Variants in ACOT12 observed in about 807,000 individuals in gnomAD.
ACOT12 encodes acyl-CoA thioesterase 12, also known as acetyl-coenzyme A thioesterase.
In ACOT12, 51 loss-of-function variants were observed where a neutral mutation model predicts 67.7. The observed-to-expected ratio is 0.75, with a 90% CI of 0.60 to 0.95. ACOT12 has a LOEUF of 0.95. Among genes scored for constraint, ACOT12 ranks in the 40% least tolerant of loss-of-function variants. The pLI is 0.00. For missense variants in ACOT12, 734 were observed against 708.1 expected (o/e 1.04, Z -0.41); for synonymous variants, 251 against 244.6 (o/e 1.03, Z -0.24).
intron 5 of ACOT12, among the ~76,000 whole-genome samples, chr5:81,358,007 CA>C (rs777333534): frequency 0.014 from 984 of 71,048 alleles, 2 homozygotes; most frequent in African/African-American, 0.037. Flanking sequence ...CCCCATCTCA[CA>C]AAAAAAAAAA....
the ACOT12 span, among the ~76,000 whole-genome samples, chr5:81,324,333 A>G: frequency 6.6e-6 from 1 of 152,172 alleles, no homozygotes. Context: ...GGTTCTCATT[A>G]TATTTTTGAC....
At chr5:81,383,676 G>A (rs1760650134) in intron 2 of ACOT12, among the ~76,000 whole-genome samples, 1 of 151,874 alleles carries the variant, frequency 6.6e-6, no homozygotes, top group South Asian at 2.1e-4. Context: ...CTGACCCTGT[G>A]TAGGCCTAAG....
chr5:81,344,825 GGAGATTCTAGGTA>G (rs1759321722), intron 8 of ACOT12, 53 bp downstream of exon 8: 2 of 1,573,930 alleles, frequency 1.3e-6, no homozygotes, highest in African/African-American at 2.7e-5. Context: ...GCCGGTGGGA[GGAGATTCTAGGTA>G]GAGCTCTCTA....
chr5:81,347,243 A>G (rs1364290021), intron 6 of ACOT12, among the ~76,000 whole-genome samples: 1 of 152,098 alleles, frequency 6.6e-6, no homozygotes, highest in Admixed American at 6.6e-5. Context: ...TCCGCCTCCC[A>G]ACTAGCCAGG....
intron 2 of ACOT12, among the ~76,000 whole-genome samples, chr5:81,378,205 T>C (rs959499284): frequency 2.0e-5 from 3 of 152,164 alleles, no homozygotes; most frequent in African/African-American, 4.8e-5. Flanking sequence ...ATCTGACCTT[T>C]GACAAACCTG....
At chr5:81,386,500 A>AT (rs948176229) in intron 1 of ACOT12, among the ~76,000 whole-genome samples, 10 of 149,724 alleles carry the variant, frequency 6.7e-5, no homozygotes, top group Non-Finnish European at 7.4e-5. Context: ...ATTTGCTCAG[A>AT]TTTTTTTTTT....
At chr5:81,368,378 G>C (rs1183755873) in intron 3 of ACOT12, among the ~76,000 whole-genome samples, 1 of 151,988 alleles carries the variant, frequency 6.6e-6, no homozygotes, top group Non-Finnish European at 1.5e-5. Flanking sequence ...ATACTTCATT[G>C]ACTATAAGCA....
chr5:81,384,532 T>TA (rs1760676255), intron 2 of ACOT12, among the ~76,000 whole-genome samples: 1 of 152,182 alleles, frequency 6.6e-6, no homozygotes, highest in Admixed American at 6.6e-5. Flanking sequence ...CATGTTATTA[T>TA]AATTGCCTAC....
chr5:81,315,268 G>A, the ACOT12 span, among the ~76,000 whole-genome samples: 157 of 152,182 alleles, frequency 1.0e-3, no homozygotes, highest in African/African-American at 3.7e-3. Flanking sequence ...CAAGCCATGA[G>A]GCCTGAATCT....
Position 81,342,742 on chromosome 5 carries a change from T to C in ACOT12, c.1058A>G (p.Asp353Gly), listed in dbSNP as rs1580538920. 1 of 1,614,140 alleles carries C rather than the reference T, an allele frequency of 6.2e-7. No individual in the cohort carries two copies. The highest frequency in any genetic ancestry group is 1.3e-5 in the African/African-American group (1 of 75,042). Reference sequence around the variant, plus strand: ...TTTTTTGAGGGCCTCCACATTGCTGTCACTCAGGGATGCCTAGAATAGAAA... The same window carrying C: ...TTTTTTGAGGGCCTCCACATTGCTGCCACTCAGGGATGCCTAGAATAGAAA... ...WDISKQASLS[D>G]SNVEALKKLA... Residue 353 changes from aspartate (D) to glycine (G), a missense_variant, in exon 11 of 15, where the codon GAC (aspartate) becomes GGC (glycine). Coordinates refer to ENST00000307624, the MANE Select transcript of ACOT12 (RefSeq NM_130767.3).
At chr5:81,338,215 A>C in intron 11 of ACOT12, among the ~76,000 whole-genome samples, 1 of 152,254 alleles carries the variant, frequency 6.6e-6, no homozygotes. Flanking sequence ...ACATTTGGGA[A>C]TATAGAGATT....
At chr5:81,355,876 A>G (rs956330001) in intron 5 of ACOT12, among the ~76,000 whole-genome samples, 3 of 152,188 alleles carry the variant, frequency 2.0e-5, no homozygotes, top group African/African-American at 7.2e-5. Flanking sequence ...TTCCTGCTAA[A>G]TGCTAGTGCT....
At chr5:81,354,365 T>C (rs548334918) in intron 5 of ACOT12, among the ~76,000 whole-genome samples, 1 of 152,210 alleles carries the variant, frequency 6.6e-6, no homozygotes, top group Non-Finnish European at 1.5e-5. Flanking sequence ...CTATCTCCAG[T>C]ATTCAAAGTA....
At chr5:81,372,953 TA>T (rs1287024320) in intron 2 of ACOT12, among the ~76,000 whole-genome samples, 8 of 152,152 alleles carry the variant, frequency 5.3e-5, no homozygotes, top group Non-Finnish European at 1.0e-4. Context: ...TCATTAACAA[TA>T]AAAAATCCCT....
the ACOT12 span, among the ~76,000 whole-genome samples, chr5:81,316,854 T>C: frequency 1.3e-5 from 2 of 152,218 alleles, no homozygotes; most frequent in Non-Finnish European, 2.9e-5. Flanking sequence ...TGTTATATGA[T>C]CTCTGCAGAA....
At chr5:81,311,403 G>A in the ACOT12 span, 2 of 997,668 alleles carry the variant, frequency 2.0e-6, no homozygotes, top group East Asian at 2.4e-5. Flanking sequence ...TTTTCCTACT[G>A]TAGCAATGAC....
downstream of ACOT12, among the ~76,000 whole-genome samples, chr5:81,326,547 A>G (rs1035769558): frequency 3.9e-5 from 6 of 152,216 alleles, no homozygotes; most frequent in Admixed American, 1.3e-4. Context: ...AAGTATCAGC[A>G]TATTTGTGTT....
the ACOT12 span, among the ~76,000 whole-genome samples, chr5:81,319,926 A>G: frequency 6.6e-6 from 1 of 151,690 alleles, no homozygotes; most frequent in Non-Finnish European, 1.5e-5. Flanking sequence ...TCTGGCTGCT[A>G]TATGGAGAAT....
intron 5 of ACOT12, among the ~76,000 whole-genome samples, chr5:81,350,171 C>T (rs939379425): frequency 6.6e-6 from 1 of 152,164 alleles, no homozygotes; most frequent in African/African-American, 2.4e-5. Flanking sequence ...CTTACATGTT[C>T]CCCATCTCTT....
Sources: allele counts gnomAD v4.1 joint callset (sites outside exome capture counted in the v4.1 genomes callset), GRCh38; gene constraint gnomAD v4.1.1; transcripts MANE v1.5; gene names NCBI Gene and HGNC (gene_info 2026-07-23, HGNC 2026-07-21).